The following TEX14 variants were observed in gnomAD, a reference collection of about 807,000 sequenced individuals.
TEX14 encodes the protein inactive serine/threonine-protein kinase TEX14.
A neutral mutation model predicts 178.6 loss-of-function variants in TEX14; 168 were observed. The ratio of observed to expected loss-of-function variants is 0.94; its 90% CI spans 0.83 to 1.07. The LOEUF (loss-of-function observed/expected upper bound fraction) is 1.07. Ranked by LOEUF, TEX14 falls within the 50% of genes least tolerant of loss-of-function variation. The pLI, the probability that TEX14 is intolerant of heterozygous loss-of-function variation, is 0.00. For synonymous variants in TEX14, 626 were observed against 634.1 expected (o/e 0.99, Z 0.19); for missense variants, 1,730 against 1,753.6 (o/e 0.99, Z 0.24).
chr17:58,595,335 T>C (rs1385692341), intron 14 of TEX14, among the ~76,000 whole-genome samples: 1 of 152,222 alleles, frequency 6.6e-6, no homozygotes, highest in African/African-American at 2.4e-5. Flanking sequence ...CATTGTTTTA[T>C]ATCCTATGTA....
At position 58,622,975 on chromosome 17, in the gene TEX14, C is replaced by T. The variant is rs750338998; in HGVS notation, c.289G>A (p.Ala97Thr). The T allele has an allele frequency of 1.2e-6, 2 of 1,610,108 alleles. No individual in the cohort carries two copies. The highest frequency in any genetic ancestry group is 1.1e-5 in the South Asian group (1 of 90,980). Residue 97 changes from alanine (A) to threonine (T), a missense_variant, in exon 4 of 32, where the codon GCA (alanine) becomes ACA (threonine). This residue lies in a region of TEX14 where 789 missense variants were observed against 681.2 expected (regional missense o/e 1.16). Transcript: ENST00000349033. ...FDGSTPVHAA[A>T]FSGNQWILSK... ...AGGATCCACTGATTGCCCGAAAATG[C>T]TGCTGCATGGACAGGGGTGCTCCCA...
At chr17:58,676,465 C>G (rs1412223234) in intron 1 of TEX14, among the ~76,000 whole-genome samples, 1 of 151,880 alleles carries the variant, frequency 6.6e-6, no homozygotes, top group Non-Finnish European at 1.5e-5. Context: ...GAGGCTGAGG[C>G]AAGAGAATCA....
At chr17:58,664,780 A>G (rs2047178767) in intron 1 of TEX14, among the ~76,000 whole-genome samples, 1 of 152,204 alleles carries the variant, frequency 6.6e-6, no homozygotes, top group Admixed American at 6.5e-5. Flanking sequence ...AAAGATGAAT[A>G]TATTATTATA....
chr17:58,684,166 A>G (rs2047551643), intron 1 of TEX14, among the ~76,000 whole-genome samples: 1 of 151,746 alleles, frequency 6.6e-6, no homozygotes, highest in Non-Finnish European at 1.5e-5. Context: ...GAAAGAAAAA[A>G]AAATGCTTCC....
At chr17:58,668,023 T>C (rs1191584424) in intron 1 of TEX14, among the ~76,000 whole-genome samples, 1 of 152,150 alleles carries the variant, frequency 6.6e-6, no homozygotes, top group African/African-American at 2.4e-5. Flanking sequence ...CCCTGCTAAG[T>C]CAATTTAGCT....
rs759620780 is a variant in TEX14, at chr17:58,621,658, G to C, written c.546C>G (p.Leu182=). ...CTCAAGGCAGTACTCACCCCTGCAC[G>C]AGGCCCCCACACCAGGACGGGCTGT... The part of the protein sequence containing the change: ...LVYSPSWCGG[L]VQGNPNGSPN... The change falls in exon 5 of 32, where the codon CTC becomes CTG. Residue 182 remains leucine, a synonymous_variant. Transcript: ENST00000349033. 1 of 1,613,518 alleles carries C rather than the reference G, an allele frequency of 6.2e-7. No homozygotes were observed. The highest frequency in any genetic ancestry group is 2.2e-5 in the East Asian group (1 of 44,864).
chr17:58,574,125 C>T, intron 22 of TEX14, 62 bp downstream of exon 22: 1 of 1,290,036 alleles, frequency 7.8e-7, no homozygotes, highest in Non-Finnish European at 1.1e-6. Context: ...CAAGAATATA[C>T]TATTCCCTTA....
In TEX14 at chr17:58,599,348, T is replaced by C. The variant is rs1360764583; in HGVS notation, c.1997A>G (p.Lys666Arg). The C allele has an allele frequency of 9.3e-6, 15 of 1,614,016 alleles. No homozygotes were observed. The highest frequency in any genetic ancestry group is 1.2e-5 in the Non-Finnish European group (14 of 1,180,054). Residue 666 changes from lysine (K) to arginine (R), a missense_variant, in exon 14 of 32, where the codon AAG (lysine) becomes AGG (arginine). By Grantham distance (26) the Lys-to-Arg change is conservative. Around this residue, in one of 2 missense-constraint regions of TEX14, gnomAD observed 941 missense variants for 1,072.4 expected, o/e 0.88. Transcript: ENST00000349033. Reference sequence around the variant, plus strand: ...AAAACAACACGCCTCTCTCTCCATCTTATCCAGCTCTTCTTCCATGGATTT... The same window carrying C: ...AAAACAACACGCCTCTCTCTCCATCCTATCCAGCTCTTCTTCCATGGATTT... Reference protein sequence around the residue: ...ELKSMEEELDKMEREACCFGS... With the variant: ...ELKSMEEELDRMEREACCFGS...
At chr17:58,615,413 T>G (rs2045850954) in intron 7 of TEX14, 68 bp from the exon 8 acceptor site, 1 of 967,934 alleles carries the variant, frequency 1.0e-6, no homozygotes, top group Non-Finnish European at 1.7e-6. Flanking sequence ...ATGAATAAGC[T>G]TTCCTAAGCA....
chr17:58,625,202 G>C (rs556696706), intron 3 of TEX14, among the ~76,000 whole-genome samples: 3 of 151,372 alleles, frequency 2.0e-5, no homozygotes, highest in African/African-American at 7.3e-5. Context: ...GTGCAATCTC[G>C]ACTCACTGCA....
intron 1 of TEX14, 140 bp from the exon 2 acceptor site, chr17:58,652,142 G>C (rs1449826989): frequency 3.2e-6 from 2 of 616,656 alleles, no homozygotes; most frequent in Non-Finnish European, 5.2e-6. Context: ...GAAACTCTAT[G>C]AGATTAATGT....
intron 5 of TEX14, among the ~76,000 whole-genome samples, chr17:58,619,338 G>A (rs1016088528): frequency 6.6e-6 from 1 of 152,136 alleles, no homozygotes; most frequent in Non-Finnish European, 1.5e-5. Context: ...GGGTTAAGGG[G>A]AGAAAAAAAC....
intron 12 of TEX14, 87 bp from the exon 13 acceptor site, chr17:58,602,043 A>G: frequency 7.1e-7 from 1 of 1,405,256 alleles, no homozygotes; most frequent in Non-Finnish European, 9.9e-7. Context: ...GTATCTGATA[A>G]ACTCCCTCTT....
chr17:58,557,717 A>T, intron 31 of TEX14, 82 bp downstream of exon 31: 1 of 1,101,814 alleles, frequency 9.1e-7, no homozygotes, highest in Non-Finnish European at 1.3e-6. Flanking sequence ...ATGTGTATTT[A>T]GACACTGGTA....
chr17:58,623,594 G>A (rs549609295), intron 3 of TEX14, among the ~76,000 whole-genome samples: 1 of 152,182 alleles, frequency 6.6e-6, no homozygotes, highest in African/African-American at 2.4e-5. Context: ...TCTGAGACAT[G>A]AAGGGACAGC....
intron 8 of TEX14, 64 bp downstream of exon 8, chr17:58,615,168 T>G (rs1019239010): frequency 4.4e-6 from 4 of 906,880 alleles, no homozygotes; most frequent in Non-Finnish European, 5.4e-6. Context: ...CAGAGCTGAA[T>G]AGCCCAGAAC....
Position 58,611,311 on chromosome 17 carries a change from T to G in TEX14, c.1034A>C (p.Glu345Ala). The change falls in exon 10 of 32, where the codon GAG becomes GCG. Residue 345 changes from glutamate (E) to alanine (A), a missense_variant. By Grantham distance (107) the Glu-to-Ala change is moderately radical (BLOSUM62 -1). Transcript: ENST00000349033. ...RRSQFPVLHM[E>A]VIVHLLLQIS... The stretch of plus-strand genomic sequence containing the variant: ...CTGGAGCAGCAGGTGCACAATCACC[T>G]CCATGTGCAGCACTGGGAACTGGGA... 6.2e-7 allele frequency: 1 copy of G among 1,613,214 alleles called. No individual in the cohort carries two copies. The highest frequency in any genetic ancestry group is 8.5e-7 in the Non-Finnish European group (1 of 1,179,684).
chr17:58,566,564 C>T (rs562784974), intron 26 of TEX14, among the ~76,000 whole-genome samples: 44 of 150,584 alleles, frequency 2.9e-4, no homozygotes, highest in African/African-American at 1.0e-3. Context: ...TTTGGGAGGC[C>T]GAGGCAGGGG....
At chr17:58,602,122 CAAT>C (rs1322581990) in intron 12 of TEX14, among the ~76,000 whole-genome samples, 166 bp from the exon 13 acceptor site, 1 of 152,150 alleles carries the variant, frequency 6.6e-6, no homozygotes, top group Non-Finnish European at 1.5e-5. Context: ...ACCTTAAAAG[CAAT>C]AATAATAGCT....
Sources: allele counts gnomAD v4.1 joint callset (sites outside exome capture counted in the v4.1 genomes callset), GRCh38; gene constraint gnomAD v4.1.1; regional missense constraint gnomAD v4.1.1; transcripts MANE v1.5; gene names NCBI Gene and HGNC (gene_info 2026-07-23, HGNC 2026-07-21).